Variants in CST2 observed in about 807,000 individuals in gnomAD.
CST2 encodes the protein cystatin-SA.
Under a neutral mutation model 13.4 loss-of-function variants are expected in CST2, and 26 were observed. That is an observed-to-expected ratio of 1.95 (90% CI 1.43 to 2.70). The LOEUF (loss-of-function observed/expected upper bound fraction) is 2.70. Among genes scored for constraint, CST2 ranks in the 30% most tolerant of loss-of-function variants. The pLI is 0.00. For synonymous variants in CST2, 105 were observed against 71.1 expected (o/e 1.48, Z -2.40); for missense variants, 243 against 173.4 (o/e 1.40, Z -2.25).
At chr20:23,824,608 G>A (rs1984767264) in intron 2 of CST2, among the ~76,000 whole-genome samples, 1 of 152,262 alleles carries the variant, frequency 6.6e-6, no homozygotes, top group South Asian at 2.1e-4. Context: ...CTGGTGTTGG[G>A]TGAGCCGGGC....
chr20:23,824,351 G>C (rs992146614), intron 2 of CST2, among the ~76,000 whole-genome samples: 1 of 152,106 alleles, frequency 6.6e-6, no homozygotes, highest in African/African-American at 2.4e-5. Flanking sequence ...TCCCAGCACA[G>C]CCCTGTGAGG....
chr20:23,824,193 A>G, intron 2 of CST2, 90 bp from the exon 3 acceptor site: 1 of 1,365,606 alleles, frequency 7.3e-7, no homozygotes, highest in Non-Finnish European at 1.0e-6. Flanking sequence ...CTGAGTGAGG[A>G]GGATGGAGGT....
At chr20:23,825,934 C>T (rs1158117893) in intron 1 of CST2, among the ~76,000 whole-genome samples, 1 of 152,232 alleles carries the variant, frequency 6.6e-6, no homozygotes, top group Non-Finnish European at 1.5e-5. Flanking sequence ...ACCTCCTCCT[C>T]TCTACTGGGT....
intron 2 of CST2, among the ~76,000 whole-genome samples, 187 bp from the exon 3 acceptor site, chr20:23,824,290 C>T (rs1984757869): frequency 6.6e-6 from 1 of 152,092 alleles, no homozygotes; most frequent in Non-Finnish European, 1.5e-5. Context: ...CCTCCCAAGG[C>T]TCCAAGTCAC....
At position 23,826,620 on chromosome 20, in the gene CST2, G is replaced by T; in HGVS notation, c.41C>A (p.Thr14Asn). 6.2e-7 allele frequency: 1 copy of T among 1,612,398 alleles called. No individual in the cohort carries two copies. ...GCTCCAGGCCAGGGCCACAGCCTGG[G>T]TGGCCAGCAGGAGCAGCAGGGTGCA... ...PLCTLLLLLA[T>N]QAVALAWSPQ... Residue 14 changes from threonine to asparagine, a missense_variant, in exon 1 of 3, where the codon ACC (threonine) becomes AAC (asparagine). Thr to Asn is a moderately conservative substitution (Grantham distance 65). Coordinates refer to ENST00000304725, the MANE Select transcript of CST2 (RefSeq NM_001322.3).
chr20:23,823,852 G>T lies in CST2; in HGVS notation c.*168C>A. ...TGAGAAGCAAAAGGAAGGAGGGAGG[G>T]CAGAGTCCCCTGCTGAGCAACAAAG... is the stretch of plus-strand genomic sequence containing the variant. On this transcript the variant is annotated 3_prime_UTR_variant, in exon 3 of 3. Transcript: ENST00000304725. 4.6e-6 allele frequency: 3 copies of T among 655,758 alleles called. No individual in the cohort carries two copies. Among genetic ancestry groups the T allele is most frequent in the African/African-American group, 1.8e-5 (1 of 54,908 alleles). 40.6% of individuals were successfully genotyped at this position (655,758 alleles called of 1,614,324 possible). A position where few individuals can be genotyped will look rare whatever the true frequency, so the allele number is the denominator to read the frequency against.
chr20:23,826,722 C>T lies in CST2; in HGVS notation c.-62G>A, dbSNP rs887001976. ...AGGAGAGGAGGTTGAGAGCCTGAGG[C>T]GGGGATCCCAGACCAGCAGGCAGCT... is the stretch of plus-strand genomic sequence containing the variant. On this transcript the variant is annotated 5_prime_UTR_variant, in exon 1 of 3. Coordinates refer to ENST00000304725, the MANE Select transcript of CST2 (RefSeq NM_001322.3). 100 of 1,462,396 alleles carry T rather than the reference C, an allele frequency of 6.8e-5. No homozygotes were observed. Among genetic ancestry groups the T allele is most frequent in the Non-Finnish European group, 8.6e-5 (94 of 1,088,102 alleles). 90.6% of individuals were successfully genotyped at this position (1,462,396 alleles called of 1,614,324 possible). A position where few individuals can be genotyped will look rare whatever the true frequency, so the allele number is the denominator to read the frequency against.
Position 23,824,018 on chromosome 20 carries a change from C to G in CST2, c.*2G>C. On this transcript the variant is annotated 3_prime_UTR_variant, in exon 3 of 3. Transcript: ENST00000304725. ...GTCAGTGTGACTCCCTGGCACAGAT[C>G]CCTAGGCTTCTTGACACCTGGAATT... 1 of 1,613,992 alleles carries G rather than the reference C, an allele frequency of 6.2e-7. No homozygotes were observed. Among genetic ancestry groups the G allele is most frequent in the Non-Finnish European group, 8.5e-7 (1 of 1,179,900 alleles).
chr20:23,826,721 G>C lies in CST2; in HGVS notation c.-61C>G. ...CAGGAGAGGAGGTTGAGAGCCTGAG[G>C]CGGGGATCCCAGACCAGCAGGCAGC... On this transcript the variant is annotated 5_prime_UTR_variant, in exon 1 of 3. Transcript: ENST00000304725. 2.0e-6 allele frequency: 3 copies of C among 1,469,906 alleles called. No homozygotes were observed. Among genetic ancestry groups the C allele is most frequent in the Non-Finnish European group, 9.1e-7 (1 of 1,093,734 alleles). The allele number at this position is 1,469,906 out of a possible 1,614,324, so 91.1% of individuals were successfully genotyped here.
rs1190040889 is a variant in CST2 at position 23,823,801 on chromosome 20, GGT to G, written c.*217_*218del. 8.6e-5 allele frequency: 49 copies of G among 567,216 alleles called. 1 individual carries two copies. In the South Asian group the frequency reaches 1.0e-3, roughly 12 times the overall value. 35.1% of individuals were successfully genotyped at this position (567,216 alleles called of 1,614,324 possible). A position where few individuals can be genotyped will look rare whatever the true frequency, so the allele number is the denominator to read the frequency against. On this transcript the variant is annotated 3_prime_UTR_variant, in exon 3 of 3. Coordinates refer to ENST00000304725, the MANE Select transcript of CST2 (RefSeq NM_001322.3). Reference sequence around the variant, plus strand: ...CTACTGTTTAATTGCAGGAGGTGGGGGTGTGTGTACCATGTACCAGGGCTATG... The same window carrying G: ...CTACTGTTTAATTGCAGGAGGTGGGGGTGTGTACCATGTACCAGGGCTATG...
intron 1 of CST2, among the ~76,000 whole-genome samples, 155 bp from the exon 2 acceptor site, chr20:23,825,478 G>T (rs1397185632): frequency 1.3e-5 from 2 of 152,206 alleles, no homozygotes; most frequent in Non-Finnish European, 2.9e-5. Flanking sequence ...CTTCCTGTCA[G>T]CTGGCAGGGT....
intron 1 of CST2, among the ~76,000 whole-genome samples, chr20:23,826,015 C>A (rs1321636359): frequency 6.6e-6 from 1 of 152,184 alleles, no homozygotes; most frequent in African/African-American, 2.4e-5. Flanking sequence ...GCGTGCTCCA[C>A]CCCAGCAGGG....
At position 23,823,851 on chromosome 20, in the gene CST2, G is replaced by A. The variant is rs1340870204; in HGVS notation, c.*169C>T. On this transcript the variant is annotated 3_prime_UTR_variant, in exon 3 of 3. Coordinates refer to ENST00000304725, the MANE Select transcript of CST2 (RefSeq NM_001322.3). ...ATGAGAAGCAAAAGGAAGGAGGGAG[G>A]GCAGAGTCCCCTGCTGAGCAACAAA... 1.5e-6 allele frequency: 1 copy of A among 652,156 alleles called. No individual in the cohort carries two copies. Among genetic ancestry groups the A allele is most frequent in the Non-Finnish European group, 2.7e-6 (1 of 372,796 alleles). 40.4% of individuals were successfully genotyped at this position (652,156 alleles called of 1,614,324 possible).
Position 23,823,940 on chromosome 20 carries a change from G to T in CST2, c.*80C>A, listed in dbSNP as rs576486721. On this transcript the variant is annotated 3_prime_UTR_variant, in exon 3 of 3. Coordinates refer to ENST00000304725, the MANE Select transcript of CST2 (RefSeq NM_001322.3). ...TGCATGGGGAGACCTCCCACAGGGT[G>T]GGGGCCACCAGTCCAGGGGTGGGAG... 401 of 1,349,226 alleles carry T rather than the reference G, an allele frequency of 3.0e-4. No individual in the cohort carries two copies. The African/African-American group carries it at 3.9e-3, about 13-fold the overall frequency. The allele number at this position is 1,349,226 out of a possible 1,614,324, so 83.6% of individuals were successfully genotyped here.
At position 23,826,656 on chromosome 20, in the gene CST2, G is replaced by A. The variant is rs757894058; in HGVS notation, c.5C>T (p.Ala2Val). The change falls in exon 1 of 3, where the codon GCC (alanine) becomes GTC (valine). Residue 2 changes from alanine to valine, a missense_variant. Ala to Val is a moderately conservative substitution (Grantham distance 64). Coordinates refer to ENST00000304725, the MANE Select transcript of CST2 (RefSeq NM_001322.3). M[A>V]WPLCTLLLLL... ...GAGCAGCAGGGTGCACAGGGGCCAG[G>A]CCATGGTCTCCTCGGAGGCAGAGCA... is the stretch of plus-strand genomic sequence containing the variant. 12 of 1,601,226 alleles carry A rather than the reference G, an allele frequency of 7.5e-6. No individual in the cohort carries two copies. In the East Asian group the frequency reaches 9.0e-5, roughly 12 times the overall value.
rs1984844196 is a variant in CST2 at position 23,826,485 on chromosome 20, G to A, written c.176C>T (p.Thr59Ile). The part of the protein sequence containing the change: ...HFVISEYNKA[T>I]EDEYYRRLLR... ...CAGGCGTCTGTAGTACTCATCTTCA[G>A]TGGCCTTGTTATACTCGCTGATGAC... The change falls in exon 1 of 3, where the codon ACT becomes ATT. Residue 59 changes from threonine (T) to isoleucine (I), a missense_variant. By Grantham distance (89) the Thr-to-Ile change is moderately conservative. Coordinates refer to ENST00000304725, the MANE Select transcript of CST2 (RefSeq NM_001322.3). 6.2e-7 allele frequency: 1 copy of A among 1,614,078 alleles called. No homozygotes were observed. The highest frequency in any genetic ancestry group is 8.5e-7 in the Non-Finnish European group (1 of 1,180,032).
intron 2 of CST2, among the ~76,000 whole-genome samples, chr20:23,824,491 A>G (rs1388480455): frequency 6.6e-6 from 1 of 152,156 alleles, no homozygotes; most frequent in Non-Finnish European, 1.5e-5. Flanking sequence ...AACCCAGAGC[A>G]GGGCAACTCC....
chr20:23,824,881 C>T (rs779308927), intron 2 of CST2, among the ~76,000 whole-genome samples: 2 of 152,062 alleles, frequency 1.3e-5, no homozygotes, highest in Admixed American at 1.3e-4. Flanking sequence ...CATCTGCACA[C>T]ACATAGGCAA....
chr20:23,825,336 G>T lies in CST2; in HGVS notation c.229-13C>A, dbSNP rs757628998. 1.9e-6 allele frequency: 3 copies of T among 1,613,782 alleles called. No individual in the cohort carries two copies. Among genetic ancestry groups the T allele is most frequent in the Non-Finnish European group, 1.7e-6 (2 of 1,179,848 alleles). On this transcript the variant is annotated splice_polypyrimidine_tract_variant and intron_variant, in intron 1 of 2. Coordinates refer to ENST00000304725, the MANE Select transcript of CST2 (RefSeq NM_001322.3). ...CCCCGCCCACGATCTACACACATGAGAAAACAGGATGCACGGACAGCGCCC... is the reference window on the plus strand; with the variant it reads ...CCCCGCCCACGATCTACACACATGATAAAACAGGATGCACGGACAGCGCCC...
Sources: allele counts gnomAD v4.1 joint callset (sites outside exome capture counted in the v4.1 genomes callset), GRCh38; gene constraint gnomAD v4.1.1; transcripts MANE v1.5; gene names NCBI Gene and HGNC (gene_info 2026-07-23, HGNC 2026-07-21).